Variants in LRP1B observed in about 807,000 individuals in gnomAD.
The protein encoded by LRP1B is low-density lipoprotein receptor-related protein 1B.
In LRP1B, 217 loss-of-function variants were observed where a neutral mutation model predicts 556.6. The ratio of observed to expected loss-of-function variants is 0.39; its 90% CI spans 0.35 to 0.44. The LOEUF is 0.44. Among genes scored for constraint, LRP1B ranks in the 20% least tolerant of loss-of-function variants. The probability of loss-of-function intolerance (pLI) is 1.00; values close to 1 mark genes in which losing one functional copy is unlikely to be tolerated. For missense variants in LRP1B, 5,053 were observed against 5,620.8 expected, an observed-to-expected ratio of 0.90 and a Z score of 3.23; for synonymous variants, 2,047 against 1,865.8, an observed-to-expected ratio of 1.10 and a Z score of -2.50.
At chr2:141,674,033 G>A (rs533806695) in intron 2 of LRP1B, among the ~76,000 whole-genome samples, 1 of 152,020 alleles carries the variant, frequency 6.6e-6, no homozygotes, top group South Asian at 2.1e-4. Flanking sequence ...ATTCAGGTTG[G>A]CATTCAAACT....
At chr2:141,803,275 G>A (rs1574377967) in intron 2 of LRP1B, among the ~76,000 whole-genome samples, 1 of 151,238 alleles carries the variant, frequency 6.6e-6, no homozygotes, top group East Asian at 2.0e-4. Context: ...CATTGTGAGA[G>A]CAGAATGAGG....
intron 1 of LRP1B, among the ~76,000 whole-genome samples, chr2:142,011,804 C>T (rs1702967579): frequency 6.6e-6 from 1 of 152,062 alleles, no homozygotes; most frequent in African/African-American, 2.4e-5. Flanking sequence ...ACTTGCTTGT[C>T]TTCTTTACTC....
intron 87 of LRP1B, among the ~76,000 whole-genome samples, chr2:140,243,017 G>A (rs1014371491): frequency 9.3e-5 from 14 of 151,036 alleles, no homozygotes; most frequent in Middle Eastern, 3.4e-3. Context: ...AAGTCTCAGC[G>A]GAAGTATCAC....
chr2:140,672,056 C>T (rs1384398799), intron 41 of LRP1B, among the ~76,000 whole-genome samples: 1 of 152,192 alleles, frequency 6.6e-6, no homozygotes, highest in African/African-American at 2.4e-5. Context: ...ATGGTCTATC[C>T]TGGTCCAAAA....
chr2:141,170,804 T>C (rs188632363), intron 7 of LRP1B, among the ~76,000 whole-genome samples: 170 of 152,232 alleles, frequency 1.1e-3, no homozygotes, highest in African/African-American at 3.3e-3. Context: ...CTAGAATTCA[T>C]AGCTCAGTGA....
chr2:140,786,446 C>A (rs1433110021), intron 32 of LRP1B, among the ~76,000 whole-genome samples: 3 of 152,190 alleles, frequency 2.0e-5, no homozygotes, highest in Non-Finnish European at 4.4e-5. Flanking sequence ...TCCACCTGGA[C>A]AATCAGAGGT....
Position 141,301,121 on chromosome 2 carries a change from T to C in LRP1B, c.344-46480A>G, listed in dbSNP as rs1027286848. Among the ~76,000 whole-genome samples the C allele has an allele frequency of 3.3e-5, 5 of 152,272 alleles. No homozygotes were observed. In the South Asian group the frequency reaches 1.0e-3, roughly 32 times the overall value. Reference sequence around the variant, plus strand: ...TGTGGGGTATGGAGTTTTACATGACTTGGAAGATATTTTCCTTAAAATTTT... The same window carrying C: ...TGTGGGGTATGGAGTTTTACATGACCTGGAAGATATTTTCCTTAAAATTTT... On this transcript the variant is annotated intron_variant, in intron 3 of 90. Transcript: ENST00000389484.
intron 84 of LRP1B, among the ~76,000 whole-genome samples, chr2:140,293,119 T>A (rs904675699): frequency 6.6e-6 from 1 of 152,184 alleles, no homozygotes; most frequent in Non-Finnish European, 1.5e-5. Context: ...ACCAGAGGAC[T>A]TTGAAAGTAT....
intron 2 of LRP1B, among the ~76,000 whole-genome samples, chr2:141,687,720 T>G (rs1691364175): frequency 6.6e-6 from 1 of 151,932 alleles, no homozygotes; most frequent in African/African-American, 2.4e-5. Context: ...AGAAATTTCT[T>G]TTTCCACGTG....
chr2:141,646,294 A>G (rs1689561626), intron 2 of LRP1B, among the ~76,000 whole-genome samples: 1 of 152,254 alleles, frequency 6.6e-6, no homozygotes, highest in East Asian at 1.9e-4. Context: ...TAGTGTAGAG[A>G]GATATAATTC....
chr2:140,674,093 C>A (rs1380503033), intron 41 of LRP1B, among the ~76,000 whole-genome samples: 1 of 151,738 alleles, frequency 6.6e-6, no homozygotes, highest in Non-Finnish European at 1.5e-5. Flanking sequence ...GGATTACAGG[C>A]GCCCACCACC....
intron 1 of LRP1B, among the ~76,000 whole-genome samples, chr2:142,128,249 A>T (rs1272630934): frequency 1.3e-5 from 2 of 152,184 alleles, no homozygotes; most frequent in Admixed American, 6.5e-5. Context: ...AACACTTCTG[A>T]TATAGTTCAT....
intron 3 of LRP1B, among the ~76,000 whole-genome samples, chr2:141,294,825 G>C (rs1054325426): frequency 6.6e-6 from 1 of 150,538 alleles, no homozygotes; most frequent in Non-Finnish European, 1.5e-5. Context: ...AATTCAATTT[G>C]CAGTCAAATA....
At chr2:140,263,416 C>T (rs962705285) in intron 86 of LRP1B, among the ~76,000 whole-genome samples, 3 of 152,086 alleles carry the variant, frequency 2.0e-5, no homozygotes, top group African/African-American at 7.2e-5. Context: ...ACTTTTCAGC[C>T]ATACCCTTGA....
chr2:140,482,477 T>G (rs1688285055), intron 59 of LRP1B, among the ~76,000 whole-genome samples: 1 of 152,086 alleles, frequency 6.6e-6, no homozygotes, highest in African/African-American at 2.4e-5. Context: ...TTATCAATAT[T>G]GAAGGTAAAT....
chr2:141,529,193 T>C (rs1241004322), intron 2 of LRP1B, among the ~76,000 whole-genome samples: 1 of 152,200 alleles, frequency 6.6e-6, no homozygotes, highest in African/African-American at 2.4e-5. Context: ...TACAAAGACT[T>C]AAAGAAACTT....
intron 3 of LRP1B, among the ~76,000 whole-genome samples, chr2:141,403,523 T>A (rs7600009): frequency 0.057 from 8,690 of 152,146 alleles, 456 homozygotes; most frequent in African/African-American, 0.14. Flanking sequence ...GTAGCTTTAT[T>A]CATATGTAGA....
At chr2:141,034,211 T>A (rs1698462387) in intron 11 of LRP1B, among the ~76,000 whole-genome samples, 1 of 152,178 alleles carries the variant, frequency 6.6e-6, no homozygotes, top group Admixed American at 6.6e-5. Flanking sequence ...TGGTTCAATC[T>A]GTATTCCAAT....
intron 35 of LRP1B, among the ~76,000 whole-genome samples, chr2:140,739,456 G>T (rs931929174): frequency 8.5e-5 from 13 of 152,114 alleles, no homozygotes; most frequent in Admixed American, 7.9e-4. Context: ...AGTAGGTTCT[G>T]TAGTGTAAGA....
Sources: allele counts gnomAD v4.1 joint callset (sites outside exome capture counted in the v4.1 genomes callset), GRCh38; gene constraint gnomAD v4.1.1; transcripts MANE v1.5; gene names NCBI Gene and HGNC (gene_info 2026-07-23, HGNC 2026-07-21).